The following PTGFR variants were observed in gnomAD, a reference collection of about 807,000 sequenced individuals.
PTGFR encodes the protein prostaglandin F receptor, also known as prostaglandin F2-alpha receptor.
Under a neutral mutation model 26.2 loss-of-function variants are expected in PTGFR, and 15 were observed. The ratio of observed to expected loss-of-function variants is 0.57; its 90% CI spans 0.38 to 0.88. The LOEUF is 0.88. Among genes scored for constraint, PTGFR ranks in the 40% least tolerant of loss-of-function variants. The pLI, the probability that PTGFR is intolerant of heterozygous loss-of-function variation, is 0.00. For missense variants in PTGFR, 369 were observed against 427.2 expected, an observed-to-expected ratio of 0.86 and a Z score of 1.20; for synonymous variants, 165 against 151.1, an observed-to-expected ratio of 1.09 and a Z score of -0.68.
Position 78,493,502 on chromosome 1 carries a change from G to T in PTGFR, c.759G>T (p.Ala253=). Residue 253 remains alanine, a synonymous_variant, in exon 2 of 3, where the codon GCG becomes GCT. Coordinates refer to ENST00000370757, the MANE Select transcript of PTGFR (RefSeq NM_000959.4). The part of the protein sequence containing the change: ...HHLEMVIQLL[A]IMCVSCICWS... ...TGGAAATGGTAATCCAGCTCCTGGC[G>T]ATAATGTGTGTCTCCTGTATTTGTT... is the stretch of plus-strand genomic sequence containing the variant. 6.4e-7 allele frequency: 1 copy of T among 1,570,910 alleles called. No individual in the cohort carries two copies. The highest frequency in any genetic ancestry group is 8.6e-7 in the Non-Finnish European group (1 of 1,159,856).
At chr1:78,526,876 G>C (rs908750105) in intron 2 of PTGFR, among the ~76,000 whole-genome samples, 1 of 152,122 alleles carries the variant, frequency 6.6e-6, no homozygotes, top group Non-Finnish European at 1.5e-5. Flanking sequence ...AGAATTAACT[G>C]TGACTTGTCC....
At chr1:78,521,084 C>T (rs1363837779) in intron 2 of PTGFR, among the ~76,000 whole-genome samples, 1 of 152,044 alleles carries the variant, frequency 6.6e-6, no homozygotes, top group Non-Finnish European at 1.5e-5. Context: ...TTCCCATCCC[C>T]CAGCTCTATA....
In PTGFR at chr1:78,492,770, A is replaced by G. The variant is rs1034850684; in HGVS notation, c.27A>G (p.Leu9=). MSMNNSKQ[L]VSPAAALLSN... ...TGTCCATGAACAATTCCAAACAGCT[A>G]GTGTCTCCTGCAGCTGCGCTTCTTT... The change falls in exon 2 of 3, where the codon CTA becomes CTG. Residue 9 remains leucine (L), a synonymous_variant. Transcript: ENST00000370757. The G allele has an allele frequency of 1.2e-5, 19 of 1,613,674 alleles. No individual in the cohort carries two copies. The highest frequency in any genetic ancestry group is 1.6e-5 in the Non-Finnish European group (19 of 1,179,846).
At chr1:78,528,478 C>G (rs1650429525) in intron 2 of PTGFR, among the ~76,000 whole-genome samples, 2 of 151,976 alleles carry the variant, frequency 1.3e-5, no homozygotes. Flanking sequence ...TTATCTTTAA[C>G]TAGACTCATA....
chr1:78,526,267 T>C (rs1650371548), intron 2 of PTGFR, among the ~76,000 whole-genome samples: 1 of 152,100 alleles, frequency 6.6e-6, no homozygotes, highest in East Asian at 1.9e-4. Context: ...CTGTGGAGTA[T>C]GGGATTGCTG....
At chr1:78,530,007 A>T (rs996422711) in intron 2 of PTGFR, among the ~76,000 whole-genome samples, 1 of 152,188 alleles carries the variant, frequency 6.6e-6, no homozygotes, top group African/African-American at 2.4e-5. Flanking sequence ...ATTGTCTTCC[A>T]TGAAACTGGT....
intron 2 of PTGFR, among the ~76,000 whole-genome samples, chr1:78,522,232 C>A (rs972362564): frequency 3.3e-5 from 5 of 152,080 alleles, no homozygotes; most frequent in African/African-American, 1.2e-4. Context: ...GCAGTGAATC[C>A]TTCTCACACT....
intron 2 of PTGFR, among the ~76,000 whole-genome samples, chr1:78,506,714 G>C (rs1261600311): frequency 1.3e-5 from 2 of 151,964 alleles, no homozygotes; most frequent in Non-Finnish European, 2.9e-5. Flanking sequence ...TAGCATATTT[G>C]AATAAGATAT....
intron 2 of PTGFR, among the ~76,000 whole-genome samples, chr1:78,507,855 T>C (rs1649863810): frequency 6.6e-6 from 1 of 152,204 alleles, no homozygotes; most frequent in South Asian, 2.1e-4. Flanking sequence ...TGTTTGAAAA[T>C]GTACTTATCT....
chr1:78,519,475 G>C (rs1318293512), intron 2 of PTGFR, among the ~76,000 whole-genome samples: 2 of 152,116 alleles, frequency 1.3e-5, no homozygotes, highest in African/African-American at 4.8e-5. Flanking sequence ...GAAAGGTGCT[G>C]TGTGATTGTT....
intron 2 of PTGFR, among the ~76,000 whole-genome samples, chr1:78,521,210 C>T (rs1371098688): frequency 6.6e-6 from 1 of 152,134 alleles, no homozygotes; most frequent in Admixed American, 6.6e-5. Context: ...CCTTTTCCCC[C>T]GATTATGGGA....
At chr1:78,529,784 C>T (rs1296562447) in intron 2 of PTGFR, among the ~76,000 whole-genome samples, 3 of 152,168 alleles carry the variant, frequency 2.0e-5, no homozygotes, top group Non-Finnish European at 4.4e-5. Context: ...AACTGGGCTG[C>T]ACAGTAGGAT....
At chr1:78,520,182 G>A (rs1650189764) in intron 2 of PTGFR, among the ~76,000 whole-genome samples, 1 of 151,934 alleles carries the variant, frequency 6.6e-6, no homozygotes, top group South Asian at 2.1e-4. Context: ...GTCTTTCACT[G>A]GTTAAACAAC....
At chr1:78,500,061 A>ATT (rs35204108) in intron 2 of PTGFR, among the ~76,000 whole-genome samples, 16 of 150,194 alleles carry the variant, frequency 1.1e-4, no homozygotes, top group South Asian at 2.1e-4. Flanking sequence ...TTCATAATGT[A>ATT]TTTTTTTTTT....
chr1:78,536,866 T>C lies in PTGFR; in HGVS notation c.*179T>C. The stretch of plus-strand genomic sequence containing the variant: ...GTCAAATAAACAGGATAACTGTACA[T>C]TTTTCACTTGTTTTTGCCAATGGGA... On this transcript the variant is annotated 3_prime_UTR_variant, in exon 3 of 3. Transcript: ENST00000370757. 1 of 721,506 alleles carries C rather than the reference T, an allele frequency of 1.4e-6. No homozygotes were observed. Among genetic ancestry groups the C allele is most frequent in the Non-Finnish European group, 2.1e-6 (1 of 470,260 alleles). 44.7% of individuals were successfully genotyped at this position (721,506 alleles called of 1,614,324 possible).
chr1:78,538,483 C>T lies in PTGFR; in HGVS notation c.*1796C>T, dbSNP rs1038185298. ...TTATCTGAGTATATGTTTGGGTAAC[C>T]AAATTGGTCTTAAAAATGATGTTAA... On this transcript the variant is annotated 3_prime_UTR_variant, in exon 3 of 3. Transcript: ENST00000370757. 4.0e-5 allele frequency: 6 copies of T among 149,102 alleles called. No individual in the cohort carries two copies. The highest frequency in any genetic ancestry group is 1.5e-4 in the African/African-American group (6 of 40,400). 9.2% of individuals were successfully genotyped at this position (149,102 alleles called of 1,614,324 possible).
At chr1:78,507,315 G>C (rs903901956) in intron 2 of PTGFR, among the ~76,000 whole-genome samples, 7 of 152,070 alleles carry the variant, frequency 4.6e-5, no homozygotes, top group African/African-American at 1.4e-4. Flanking sequence ...GCCTGCTTTT[G>C]GCTATTCTCC....
At chr1:78,494,928 T>C (rs1160792149) in intron 2 of PTGFR, among the ~76,000 whole-genome samples, 1 of 152,198 alleles carries the variant, frequency 6.6e-6, no homozygotes, top group East Asian at 1.9e-4. Context: ...TAATTAACGA[T>C]CCAGATGATT....
At chr1:78,524,906 ATTTTTTTTTTTTTTTTTTT>A (rs35641651) in intron 2 of PTGFR, among the ~76,000 whole-genome samples, 16 of 70,522 alleles carry the variant, frequency 2.3e-4, no homozygotes, top group African/African-American at 5.5e-4. Context: ...CAAATGCAAG[ATTTTTTTTTTTTTTTTTTT>A]TTTTTTTTTT....
Sources: allele counts gnomAD v4.1 joint callset (sites outside exome capture counted in the v4.1 genomes callset), GRCh38; gene constraint gnomAD v4.1.1; transcripts MANE v1.5; gene names NCBI Gene and HGNC (gene_info 2026-07-23, HGNC 2026-07-21).